SNRPN: variants seen among roughly 807,000 people sequenced by gnomAD.
The protein encoded by SNRPN is small nuclear ribonucleoprotein-associated protein N.
In SNRPN, 7 loss-of-function variants were observed where a neutral mutation model predicts 25.2. The observed-to-expected ratio is 0.28, with a 90% confidence interval of 0.16 to 0.52. SNRPN has a LOEUF of 0.52. SNRPN is among the 20% of genes least tolerant of loss of function. The pLI, the probability that SNRPN is intolerant of heterozygous loss-of-function variation, is 0.96. For synonymous variants in SNRPN, 124 were observed against 110.6 expected (o/e 1.12, Z -0.76); for missense variants, 196 against 322.5 (o/e 0.61, Z 3.00).
chr15:24,907,209 G>A (rs2058857395), intron 2 of SNRPN, among the ~76,000 whole-genome samples: 1 of 152,126 alleles, frequency 6.6e-6, no homozygotes, highest in Non-Finnish European at 1.5e-5. Context: ...AGCCCAGGAA[G>A]TCAGGGAATA....
intron 1 of SNRPN, among the ~76,000 whole-genome samples, chr15:24,858,460 T>C (rs17114804): frequency 3.2e-3 from 487 of 152,030 alleles, no homozygotes; most frequent in African/African-American, 0.011. Context: ...TCAACCTGAA[T>C]TGAACATGGA....
chr15:24,853,551 G>A (rs1179175987), upstream of SNRPN, among the ~76,000 whole-genome samples: 12 of 151,950 alleles, frequency 7.9e-5, no homozygotes, highest in Admixed American at 5.3e-4. Context: ...CCGCCACCAC[G>A]CCCAGCTAAT....
chr15:24,895,718 A>T (rs1015385701), intron 2 of SNRPN, among the ~76,000 whole-genome samples: 2 of 152,164 alleles, frequency 1.3e-5, no homozygotes, highest in African/African-American at 2.4e-5. Context: ...GTTACTCTGC[A>T]TTCTCTCCCA....
chr15:24,978,286 C>G lies in SNRPN; in HGVS notation c.653C>G (p.Pro218Arg). 1 of 1,614,108 alleles carries G rather than the reference C, an allele frequency of 6.2e-7. No individual in the cohort carries two copies. The highest frequency in any genetic ancestry group is 8.5e-7 in the Non-Finnish European group (1 of 1,179,986). ...GGGACGCCAATAGGCATGCCGCCTC[C>G]GGGAATGAGACCCCCTCCACCAGGC... ...ARGTPIGMPP[P>R]GMRPPPPGIR... The change falls in exon 9 of 10, where the codon CCG (proline) becomes CGG (arginine). Residue 218 changes from proline (P) to arginine (R), a missense_variant. Pro to Arg is a moderately radical substitution (Grantham distance 103). Transcript: ENST00000390687.
chr15:24,917,765 GTT>G (rs970566952), intron 2 of SNRPN, among the ~76,000 whole-genome samples: 5 of 152,158 alleles, frequency 3.3e-5, no homozygotes, highest in Admixed American at 6.5e-5. Flanking sequence ...ATGTTCTCTC[GTT>G]TTTATGTTGT....
At chr15:24,924,211 C>G (rs7175353) in intron 3 of SNRPN, among the ~76,000 whole-genome samples, 1,544 of 151,888 alleles carry the variant, frequency 0.01, 11 homozygotes, top group Non-Finnish European at 0.014. Flanking sequence ...GAAAGAAAAG[C>G]GAATATCCCA....
intron 2 of SNRPN, chr15:24,848,234 G>GGGCGGCGGCGGGGGCGGC (rs1555379834): frequency 8.0e-6 from 1 of 125,456 alleles, no homozygotes; most frequent in African/African-American, 2.9e-5. Flanking sequence ...GCGGCGGTGG[G>GGGCGGCGGCGGGGGCGGC]GGCGGGGGCG....
At chr15:24,978,351 C>T (rs371612484) in intron 9 of SNRPN, 33 bp downstream of exon 9, 6 of 1,613,888 alleles carry the variant, frequency 3.7e-6, no homozygotes, top group Admixed American at 1.7e-5. Context: ...GATGGTTCAG[C>T]CAGGCCCCTG....
intron 2 of SNRPN, among the ~76,000 whole-genome samples, chr15:24,914,213 CA>C (rs1218643413): frequency 1.3e-5 from 2 of 152,142 alleles, no homozygotes; most frequent in Non-Finnish European, 2.9e-5. Flanking sequence ...TTCAGCTCAA[CA>C]ATGCTTCCAG....
intron 2 of SNRPN, among the ~76,000 whole-genome samples, chr15:24,910,381 G>T (rs1360361308): frequency 1.3e-5 from 2 of 152,134 alleles, no homozygotes; most frequent in African/African-American, 4.8e-5. Flanking sequence ...TACTCTGCAG[G>T]CTGAGGTAGG....
intron 1 of SNRPN, among the ~76,000 whole-genome samples, chr15:24,883,949 T>G (rs2056960464): frequency 6.8e-6 from 1 of 146,070 alleles, no homozygotes; most frequent in East Asian, 2.0e-4. Context: ...GAGGTTGCAG[T>G]GAGCTGAGAT....
chr15:24,949,833 CTT>C (rs892102485), intron 3 of SNRPN, among the ~76,000 whole-genome samples: 4 of 144,990 alleles, frequency 2.8e-5, no homozygotes, highest in African/African-American at 5.0e-5. Context: ...TTCTTTCTTT[CTT>C]TTTTTTTTTG....
At position 24,967,945 on chromosome 15, in the gene SNRPN, C is replaced by A. The variant is rs758784397; in HGVS notation, c.-281C>A. 5.6e-6 allele frequency: 9 copies of A among 1,613,668 alleles called. No homozygotes were observed. Among genetic ancestry groups the A allele is most frequent in the African/African-American group, 1.3e-5 (1 of 74,766 alleles). ...CTCTTGTTGTAGGTGTCAGTTGTAC[C>A]CGAGGCGTTCTCAGCAGCAGCAAGT... On this transcript the variant is annotated 5_prime_UTR_variant, in exon 3 of 10. Transcript: ENST00000390687.
chr15:24,880,000 T>C (rs1010354254), intron 1 of SNRPN, among the ~76,000 whole-genome samples: 2 of 152,184 alleles, frequency 1.3e-5, no homozygotes, highest in Non-Finnish European at 2.9e-5. Context: ...TTCCCAAGCA[T>C]CTTTCCTTCC....
chr15:24,918,576 A>G (rs185679506), intron 2 of SNRPN, among the ~76,000 whole-genome samples: 31 of 105,264 alleles, frequency 2.9e-4, no homozygotes, highest in African/African-American at 7.9e-4. Context: ...ATATATGTAT[A>G]TATATAACAT....
chr15:24,825,575 A>G (rs2050026454), intron 1 of SNRPN, among the ~76,000 whole-genome samples: 1 of 152,124 alleles, frequency 6.6e-6, no homozygotes, highest in Non-Finnish European at 1.5e-5. Flanking sequence ...AAATATCACC[A>G]TAAATTGAAA....
chr15:24,927,518 T>A (rs1427119137), intron 3 of SNRPN, among the ~76,000 whole-genome samples: 1 of 108,692 alleles, frequency 9.2e-6, no homozygotes, highest in Non-Finnish European at 2.0e-5. Context: ...TTTTTTTTTT[T>A]ACTTTTGACC....
At chr15:24,849,309 C>T (rs1334239332) in intron 2 of SNRPN, 1 of 152,252 alleles carries the variant, frequency 6.6e-6, no homozygotes, top group Non-Finnish European at 1.5e-5. Context: ...CCTCATCCAT[C>T]ACTTTACAAC....
intron 2 of SNRPN, among the ~76,000 whole-genome samples, chr15:24,918,452 A>AACATAATATATATGTGTGTATATG (rs2059702064): frequency 7.6e-6 from 1 of 131,404 alleles, no homozygotes; most frequent in Non-Finnish European, 1.6e-5. Flanking sequence ...GTGTATATAT[A>AACATAATATATATGTGTGTATATG]TAACATAATA....
Sources: allele counts gnomAD v4.1 joint callset (sites outside exome capture counted in the v4.1 genomes callset), GRCh38; gene constraint gnomAD v4.1.1; transcripts MANE v1.5; gene names NCBI Gene and HGNC (gene_info 2026-07-23, HGNC 2026-07-21).